Variants in IL7R observed in about 807,000 individuals in gnomAD.
IL7R encodes interleukin-7 receptor subunit alpha.
In IL7R, 38 loss-of-function variants were observed where a neutral mutation model predicts 47.0. That is an observed-to-expected ratio of 0.81 (90% CI 0.62 to 1.06). The LOEUF is 1.06. IL7R is among the 50% of genes least tolerant of loss of function. The pLI is 0.00. For missense variants in IL7R, 633 were observed against 534.8 expected, an observed-to-expected ratio of 1.18 and a Z score of -1.81; for synonymous variants, 221 against 199.8, an observed-to-expected ratio of 1.11 and a Z score of -0.89.
intron 1 of IL7R, 85 bp from the exon 2 acceptor site, chr5:35,860,767 T>G: frequency 7.8e-7 from 1 of 1,283,936 alleles, no homozygotes; most frequent in Non-Finnish European, 1.1e-6. Flanking sequence ...TGCCACAGAG[T>G]CTGCTATTTT....
rs2149905950 is a variant in IL7R at position 35,876,290 on chromosome 5, A to G, written c.1184A>G (p.Lys395Arg). The change falls in exon 8 of 8, where the codon AAG becomes AGG. Residue 395 changes from lysine to arginine, a missense_variant. Coordinates refer to ENST00000303115, the MANE Select transcript of IL7R (RefSeq NM_002185.5). Reference protein sequence around the residue: ...SRSLDCRESGKNGPHVYQDLL... With the variant: ...SRSLDCRESGRNGPHVYQDLL... ...TCCCTAGACTGCAGGGAGAGTGGCAAGAATGGGCCTCATGTGTACCAGGAC... is the reference window on the plus strand; with the variant it reads ...TCCCTAGACTGCAGGGAGAGTGGCAGGAATGGGCCTCATGTGTACCAGGAC... 2 of 1,614,086 alleles carry G rather than the reference A, an allele frequency of 1.2e-6. No homozygotes were observed. The highest frequency in any genetic ancestry group is 1.3e-5 in the African/African-American group (1 of 75,034).
chr5:35,874,869 A>G (rs1760166170), intron 6 of IL7R, among the ~76,000 whole-genome samples: 2 of 152,222 alleles, frequency 1.3e-5, no homozygotes, highest in Admixed American at 1.3e-4. Context: ...CTTGACTTTA[A>G]GCATATAAAT....
chr5:35,874,507 G>A lies in IL7R; in HGVS notation c.765G>A (p.Leu255=), dbSNP rs143438470. The change falls in exon 6 of 8, where the codon CTG becomes CTA. Residue 255 remains leucine, a synonymous_variant. Transcript: ENST00000303115. ...TTTTGAGTTTTTTCTCTGTCGCTCTGTTGGTCATCTTGGCCTGTGTGTTAT... is the reference window on the plus strand; with the variant it reads ...TTTTGAGTTTTTTCTCTGTCGCTCTATTGGTCATCTTGGCCTGTGTGTTAT... ...ISILSFFSVA[L]LVILACVLWK... The A allele has an allele frequency of 1.3e-5, 21 of 1,613,684 alleles. No individual in the cohort carries two copies. In the African/African-American group the frequency reaches 2.8e-4, roughly 22 times the overall value.
chr5:35,873,451 T>G (rs752479251), intron 4 of IL7R, 29 bp from the exon 5 acceptor site: 1 of 1,602,328 alleles, frequency 6.2e-7, no homozygotes, highest in Non-Finnish European at 8.6e-7. Flanking sequence ...TTTCCCATCC[T>G]AAGAATGTAA....
intron 3 of IL7R, among the ~76,000 whole-genome samples, chr5:35,870,006 C>CTAAAGTTATTTA (rs1760031580): frequency 6.6e-6 from 1 of 152,136 alleles, no homozygotes; most frequent in Non-Finnish European, 1.5e-5. Context: ...ATTGGGCCGG[C>CTAAAGTTATTTA]AAGTAACTTT....
At chr5:35,864,136 A>G (rs981332920) in intron 2 of IL7R, among the ~76,000 whole-genome samples, 2 of 152,136 alleles carry the variant, frequency 1.3e-5, no homozygotes, top group South Asian at 2.1e-4. Flanking sequence ...AATACTCTTT[A>G]TTCTTTTCTG....
Position 35,873,432 on chromosome 5 carries a change from A to G in IL7R, c.538-48A>G, listed in dbSNP as rs370479189. 19 of 1,494,258 alleles carry G rather than the reference A, an allele frequency of 1.3e-5. No homozygotes were observed. The African/African-American group carries it at 1.8e-4, about 14-fold the overall frequency. The allele number at this position is 1,494,258 out of a possible 1,614,324, so 92.6% of individuals were successfully genotyped here. On this transcript the variant is annotated intron_variant, in intron 4 of 7. Coordinates refer to ENST00000303115, the MANE Select transcript of IL7R (RefSeq NM_002185.5). ...TTGAAATGATTTGGGAGATTTAGGCAACACCTCTTTTCCCATCCTAAGAAT... is the reference window on the plus strand; with the variant it reads ...TTGAAATGATTTGGGAGATTTAGGCGACACCTCTTTTCCCATCCTAAGAAT...
chr5:35,876,764 G>A lies in IL7R; in HGVS notation c.*278G>A, dbSNP rs1760229293. Reference sequence around the variant, plus strand: ...ATTTAAAAAAAAAAGAGGAAAGAATGAAAGAGTAAAGGAAATGATTGAGGA... The same window carrying A: ...ATTTAAAAAAAAAAGAGGAAAGAATAAAAGAGTAAAGGAAATGATTGAGGA... On this transcript the variant is annotated 3_prime_UTR_variant, in exon 8 of 8. Transcript: ENST00000303115. 2.1e-6 allele frequency: 1 copy of A among 487,078 alleles called. No homozygotes were observed. Among genetic ancestry groups the A allele is most frequent in the Non-Finnish European group, 3.7e-6 (1 of 270,588 alleles). The allele number at this position is 487,078 out of a possible 1,614,324, so 30.2% of individuals were successfully genotyped here. A position where few individuals can be genotyped will look rare whatever the true frequency, so the allele number is the denominator to read the frequency against.
rs767478464 is a variant in IL7R at position 35,870,302 on chromosome 5, G to A, written c.380-754G>A. On this transcript the variant is annotated intron_variant, in intron 3 of 7. Coordinates refer to ENST00000303115, the MANE Select transcript of IL7R (RefSeq NM_002185.5). ...TTGATACTAACAGCAACCCTGCAAG[G>A]CAGGAAGGCAGTAGGGAGAGGCCCA... Among the ~76,000 whole-genome samples the A allele has an allele frequency of 9.2e-5, 14 of 152,314 alleles. No homozygotes were observed. In the Middle Eastern group the frequency reaches 0.01, roughly 111 times the overall value.
At chr5:35,867,192 C>T in intron 2 of IL7R, 114 bp from the exon 3 acceptor site, 1 of 919,650 alleles carries the variant, frequency 1.1e-6, no homozygotes, top group South Asian at 1.4e-5. Flanking sequence ...CACCCACCCA[C>T]ATACCTATGA....
At chr5:35,871,760 G>C (rs536105411) in intron 4 of IL7R, among the ~76,000 whole-genome samples, 7 of 152,296 alleles carry the variant, frequency 4.6e-5, no homozygotes, top group Admixed American at 1.3e-4. Flanking sequence ...TTCATGATTT[G>C]TTGAGGTTGG....
chr5:35,876,555 C>CCT lies in IL7R; in HGVS notation c.*69_*70insCT. The CCT allele has an allele frequency of 6.5e-7, 1 of 1,536,954 alleles. No homozygotes were observed. The highest frequency in any genetic ancestry group is 8.9e-7 in the Non-Finnish European group (1 of 1,125,522). ...GATTTAAAAGGGAAGTCTAGAGTTCCTAGTCTCCCTCACAGCACAGAGAAG... is the reference window on the plus strand; with the variant it reads ...GATTTAAAAGGGAAGTCTAGAGTTCCCTTAGTCTCCCTCACAGCACAGAGAAG... On this transcript the variant is annotated 3_prime_UTR_variant, in exon 8 of 8. Coordinates refer to ENST00000303115, the MANE Select transcript of IL7R (RefSeq NM_002185.5).
intron 3 of IL7R, among the ~76,000 whole-genome samples, chr5:35,870,509 C>T (rs1760045371): frequency 6.6e-6 from 1 of 152,216 alleles, no homozygotes; most frequent in South Asian, 2.1e-4. Context: ...TTAAATACTC[C>T]TGCTTTGGGG....
intron 4 of IL7R, chr5:35,873,181 G>A (rs1760116260): frequency 2.4e-6 from 1 of 410,258 alleles, no homozygotes; most frequent in Non-Finnish European, 4.6e-6. Flanking sequence ...AGGATAGAGA[G>A]AAAAGAAGAA....
rs149235072 is a variant in IL7R at position 35,860,922 on chromosome 5, G to C, written c.153G>C (p.Ser51=). The part of the protein sequence containing the change: ...SCYSQLEVNG[S]QHSLTCAFED... ...ATAGCCAGTTGGAAGTGAATGGATC[G>C]CAGCACTCACTGACCTGTGCTTTTG... is the stretch of plus-strand genomic sequence containing the variant. The change falls in exon 2 of 8, where the codon TCG becomes TCC. Residue 51 remains serine (S), a synonymous_variant. Transcript: ENST00000303115. 1 of 1,613,004 alleles carries C rather than the reference G, an allele frequency of 6.2e-7. No individual in the cohort carries two copies. Among genetic ancestry groups the C allele is most frequent in the Non-Finnish European group, 8.5e-7 (1 of 1,179,166 alleles).
In IL7R at chr5:35,873,476, C is replaced by G; in HGVS notation, c.538-4C>G. On this transcript the variant is annotated splice_region_variant and splice_polypyrimidine_tract_variant and intron_variant, in intron 4 of 7. Coordinates refer to ENST00000303115, the MANE Select transcript of IL7R (RefSeq NM_002185.5). ...TAAGAATGTAACTGCACTCTACTCT[C>G]TAGCATGTGAATTTATCCAGCACAA... 6.2e-7 allele frequency: 1 copy of G among 1,613,326 alleles called. No homozygotes were observed. The highest frequency in any genetic ancestry group is 1.7e-4 in the Middle Eastern group (1 of 6,060).
In IL7R at chr5:35,876,283, A is replaced by T; in HGVS notation, c.1177A>T (p.Ser393Cys). The T allele has an allele frequency of 1.9e-6, 3 of 1,614,024 alleles. No homozygotes were observed. Among genetic ancestry groups the T allele is most frequent in the Admixed American group, 1.7e-5 (1 of 59,998 alleles). The change falls in exon 8 of 8, where the codon AGT (serine) becomes TGT (cysteine). Residue 393 changes from serine to cysteine, a missense_variant. Physicochemically the swap from Ser to Cys is moderately radical, Grantham distance 112. Transcript: ENST00000303115. ...SSSRSLDCRE[S>C]GKNGPHVYQD... ...TTCCAGGTCCCTAGACTGCAGGGAG[A>T]GTGGCAAGAATGGGCCTCATGTGTA...
At position 35,864,528 on chromosome 5, in the gene IL7R, T is replaced by C. The variant is rs141050454; in HGVS notation, c.222-2778T>C. On this transcript the variant is annotated intron_variant, in intron 2 of 7. Coordinates refer to ENST00000303115, the MANE Select transcript of IL7R (RefSeq NM_002185.5). ...GAGAGATATACATCATTTGCAACGT[T>C]TGACTTTGGGATAGTATCTCGTTAG... 3.6e-4 allele frequency among the ~76,000 whole-genome samples: 55 copies of C among 152,308 alleles called. No individual in the cohort carries two copies. The East Asian group carries it at 0.01, about 28-fold the overall frequency.
chr5:35,862,693 T>A (rs1396245829), intron 2 of IL7R, among the ~76,000 whole-genome samples: 2 of 152,100 alleles, frequency 1.3e-5, no homozygotes, highest in East Asian at 3.9e-4. Flanking sequence ...ATTCTCAAAA[T>A]CATGGGAATG....
Sources: gnomAD v4.1 joint callset for allele counts (sites outside exome capture counted in the v4.1 genomes callset) on GRCh38, gnomAD v4.1.1 for gene constraint, MANE v1.5 for transcripts, NCBI Gene and HGNC (gene_info 2026-07-23, HGNC 2026-07-21) for gene names.